The following CLVS1 variants were observed in gnomAD, a reference collection of about 807,000 sequenced individuals.
The protein encoded by CLVS1 is clavesin-1.
A neutral mutation model predicts 33.1 loss-of-function variants in CLVS1; 10 were observed. The observed-to-expected ratio is 0.30, with a 90% CI of 0.19 to 0.51. The LOEUF is 0.51. CLVS1 is among the 20% of genes least tolerant of loss of function. The probability of loss-of-function intolerance (pLI) is 0.97; values close to 1 mark genes in which losing one functional copy is unlikely to be tolerated. For synonymous variants in CLVS1, 163 were observed against 166.1 expected, an observed-to-expected ratio of 0.98 and a Z score of 0.14; for missense variants, 343 against 433.4, an observed-to-expected ratio of 0.79 and a Z score of 1.85.
the CLVS1 span, among the ~76,000 whole-genome samples, chr8:61,033,665 C>T: frequency 1.3e-5 from 2 of 152,142 alleles, no homozygotes; most frequent in Non-Finnish European, 2.9e-5. Flanking sequence ...AGCTTTTGGG[C>T]AGAACAGCTC....
At chr8:61,084,656 A>G (rs1054757892) in intron 1 of CLVS1, among the ~76,000 whole-genome samples, 8 of 152,246 alleles carry the variant, frequency 5.3e-5, no homozygotes, top group African/African-American at 1.7e-4. Flanking sequence ...CCTTGCATAT[A>G]TATTTAGATA....
At chr8:60,979,726 A>C in the CLVS1 span, among the ~76,000 whole-genome samples, 1 of 152,192 alleles carries the variant, frequency 6.6e-6, no homozygotes, top group Admixed American at 6.5e-5. Context: ...TTGTGAATAA[A>C]ATTACACAAG....
chr8:61,449,210 C>T (rs1252027478), intron 3 of CLVS1, among the ~76,000 whole-genome samples: 1 of 152,184 alleles, frequency 6.6e-6, no homozygotes, highest in Non-Finnish European at 1.5e-5. Context: ...ACATGGTCTC[C>T]ACTGACACTG....
chr8:61,068,665 C>T (rs1804730662), intron 1 of CLVS1, among the ~76,000 whole-genome samples: 3 of 152,098 alleles, frequency 2.0e-5, no homozygotes, highest in African/African-American at 7.2e-5. Flanking sequence ...TCCCAGTCTT[C>T]TACAATTTAC....
chr8:61,214,070 G>A (rs1302817701), intron 2 of CLVS1, among the ~76,000 whole-genome samples: 3 of 152,170 alleles, frequency 2.0e-5, no homozygotes, highest in Non-Finnish European at 4.4e-5. Flanking sequence ...TTGTTAGGAA[G>A]AGGAAATTCC....
chr8:60,987,526 G>A, the CLVS1 span, among the ~76,000 whole-genome samples: 1 of 152,090 alleles, frequency 6.6e-6, no homozygotes, highest in African/African-American at 2.4e-5. Context: ...AATAGGAAAG[G>A]ATCTAAGATT....
chr8:61,037,184 C>A, the CLVS1 span, among the ~76,000 whole-genome samples: 21 of 152,214 alleles, frequency 1.4e-4, no homozygotes, highest in Middle Eastern at 3.4e-3. Flanking sequence ...CCATCTTAAC[C>A]ATTTTAAGTG....
At chr8:61,077,774 C>A (rs529405718) in intron 1 of CLVS1, among the ~76,000 whole-genome samples, 17 of 152,214 alleles carry the variant, frequency 1.1e-4, no homozygotes, top group Non-Finnish European at 1.5e-5. Flanking sequence ...ATGCTCTGCT[C>A]CCTCCCAGCA....
At chr8:61,416,489 T>C (rs989620843) in intron 3 of CLVS1, among the ~76,000 whole-genome samples, 1 of 152,214 alleles carries the variant, frequency 6.6e-6, no homozygotes, top group Admixed American at 6.5e-5. Flanking sequence ...TTGCAAAATA[T>C]GAAACACTGA....
chr8:61,338,796 AG>A (rs1811900761), intron 2 of CLVS1, among the ~76,000 whole-genome samples: 1 of 152,044 alleles, frequency 6.6e-6, no homozygotes, highest in African/African-American at 2.4e-5. Flanking sequence ...GCTCTGGCTC[AG>A]CTGTCACACC....
chr8:61,311,424 C>T (rs1014555313), intron 2 of CLVS1, among the ~76,000 whole-genome samples: 2 of 152,178 alleles, frequency 1.3e-5, no homozygotes, highest in Admixed American at 1.3e-4. Context: ...CGTGCCCTTA[C>T]GATTGCACTC....
chr8:61,204,560 G>T (rs1807801427), intron 2 of CLVS1, among the ~76,000 whole-genome samples: 1 of 152,128 alleles, frequency 6.6e-6, no homozygotes, highest in Admixed American at 6.5e-5. Flanking sequence ...TGTAGGAAAA[G>T]CATAATGAGA....
intron 2 of CLVS1, among the ~76,000 whole-genome samples, chr8:61,167,503 GT>G (rs1264040541): frequency 2.8e-4 from 42 of 152,182 alleles, no homozygotes; most frequent in African/African-American, 1.0e-3. Context: ...AATTTTTAAT[GT>G]GTACCCTTCA....
At chr8:61,193,394 AG>A (rs1807535920) in intron 2 of CLVS1, among the ~76,000 whole-genome samples, 1 of 152,114 alleles carries the variant, frequency 6.6e-6, no homozygotes, top group Non-Finnish European at 1.5e-5. Flanking sequence ...GGGGAGGGAT[AG>A]CATTAGGAGA....
upstream of CLVS1, among the ~76,000 whole-genome samples, chr8:61,054,963 G>T (rs537677778): frequency 1.3e-5 from 2 of 152,224 alleles, no homozygotes; most frequent in South Asian, 2.1e-4. Context: ...TTACCTCATT[G>T]CTTGCTTCTA....
At chr8:61,041,432 TTAA>T in the CLVS1 span, among the ~76,000 whole-genome samples, 2 of 152,246 alleles carry the variant, frequency 1.3e-5, no homozygotes, top group Non-Finnish European at 2.9e-5. Flanking sequence ...TATGACCATT[TTAA>T]TAATATTAAT....
intron 3 of CLVS1, among the ~76,000 whole-genome samples, chr8:61,381,234 C>T (rs1205179682): frequency 1.3e-5 from 2 of 151,812 alleles, no homozygotes; most frequent in African/African-American, 2.4e-5. Context: ...AGTTTTGAGC[C>T]ACTTTAGTAG....
At chr8:61,486,349 G>A (rs1803883271) in intron 5 of CLVS1, among the ~76,000 whole-genome samples, 1 of 152,048 alleles carries the variant, frequency 6.6e-6, no homozygotes, top group Non-Finnish European at 1.5e-5. Flanking sequence ...GGGCAAAGAG[G>A]GACAATGTTA....
At chr8:61,362,419 G>A (rs866249277) in intron 2 of CLVS1, among the ~76,000 whole-genome samples, 12 of 152,098 alleles carry the variant, frequency 7.9e-5, no homozygotes, top group African/African-American at 1.4e-4. Flanking sequence ...CCTAGGAGTC[G>A]GGAACCTTGT....
Sources: allele counts gnomAD v4.1 joint callset (sites outside exome capture counted in the v4.1 genomes callset), GRCh38; gene constraint gnomAD v4.1.1; transcripts MANE v1.5; gene names NCBI Gene and HGNC (gene_info 2026-07-23, HGNC 2026-07-21).